Variants in PCBD1 observed in about 807,000 individuals in gnomAD.
The protein encoded by PCBD1 is pterin-4 alpha-carbinolamine dehydratase 1.
A neutral mutation model predicts 12.6 loss-of-function variants in PCBD1; 16 were observed. The observed-to-expected ratio is 1.27, with a 90% confidence interval of 0.86 to 1.93. The LOEUF is 1.93. Among genes scored for constraint, PCBD1 ranks in the 30% most tolerant of loss-of-function variants. The pLI is 0.00. For synonymous variants in PCBD1, 53 were observed against 50.2 expected, an observed-to-expected ratio of 1.05 and a Z score of -0.23; for missense variants, 86 against 130.1, an observed-to-expected ratio of 0.66 and a Z score of 1.65.
chr10:70,885,906 G>A lies in PCBD1; in HGVS notation c.27C>T (p.Ser9=), dbSNP rs547375927. Residue 9 remains serine, a synonymous_variant, in exon 2 of 4, where the codon AGC becomes AGT. Coordinates refer to ENST00000299299, the MANE Select transcript of PCBD1 (RefSeq NM_000281.4). MAGKAHRL[S]AEERDQLLPN... is the part of the protein sequence containing the mutation. ...GCAGCAGCTGGTCCCTCTCCTCAGC[G>A]CTCAGCCTGTGTGCTTTGCCAGCCT... The A allele has an allele frequency of 4.0e-5, 65 of 1,613,860 alleles. No homozygotes were observed. Among genetic ancestry groups the A allele is most frequent in the East Asian group, 2.9e-4 (13 of 44,874 alleles).
Position 70,883,816 on chromosome 10 carries a change from G to T in PCBD1, c.*134C>A. The T allele has an allele frequency of 1.3e-6, 2 of 1,529,836 alleles. No individual in the cohort carries two copies. The highest frequency in any genetic ancestry group is 1.4e-5 in the African/African-American group (1 of 72,914). The allele number at this position is 1,529,836 out of a possible 1,614,324, so 94.8% of individuals were successfully genotyped here. On this transcript the variant is annotated 3_prime_UTR_variant, in exon 4 of 4. Transcript: ENST00000299299. ...GGACACTGGCACATCCCACAGCAAG[G>T]ACTCAGCCCTCAACGGCGGCGGCTG...
At chr10:70,885,309 C>T (rs767278938) in intron 2 of PCBD1, 77 bp from the exon 3 acceptor site, 101 of 1,080,142 alleles carry the variant, frequency 9.4e-5, no homozygotes, top group Non-Finnish European at 1.3e-4. Flanking sequence ...AAGGCCTAGA[C>T]GCAGGAGGAT....
At chr10:70,887,102 C>T (rs559424038) in intron 1 of PCBD1, among the ~76,000 whole-genome samples, 2 of 152,272 alleles carry the variant, frequency 1.3e-5, no homozygotes, top group South Asian at 2.1e-4. Context: ...TCACCATTTA[C>T]CAGCCAGGTG....
rs1230566486 is a variant in PCBD1, at chr10:70,883,950, C to T, written c.315G>A (p.Ter105=). ...FIEQVAVSMT[*] Reference sequence around the variant, plus strand: ...AGAATTCAAAGAGGAAGGGCAGGGTCTATGTCATGGACACTGCTACTTGTT... The same window carrying T: ...AGAATTCAAAGAGGAAGGGCAGGGTTTATGTCATGGACACTGCTACTTGTT... The change falls in exon 4 of 4, where the codon TAG becomes TAA. Residue 105 remains the stop codon, a stop_retained_variant. Coordinates refer to ENST00000299299, the MANE Select transcript of PCBD1 (RefSeq NM_000281.4). 6.2e-7 allele frequency: 1 copy of T among 1,613,506 alleles called. No individual in the cohort carries two copies. Among genetic ancestry groups the T allele is most frequent in the African/African-American group, 1.3e-5 (1 of 75,018 alleles).
In PCBD1 at chr10:70,885,229, A is replaced by G. The variant is rs773023822; in HGVS notation, c.139T>C (p.Phe47Leu). The G allele has an allele frequency of 6.2e-7, 1 of 1,613,750 alleles. No individual in the cohort carries two copies. Among genetic ancestry groups the G allele is most frequent in the South Asian group, 1.1e-5 (1 of 91,062 alleles). Residue 47 changes from phenylalanine to leucine, a missense_variant, in exon 3 of 4, where the codon TTT becomes CTT. Coordinates refer to ENST00000299299, the MANE Select transcript of PCBD1 (RefSeq NM_000281.4). ...QFHFKDFNRA[F>L]GFMTRVALQA... Reference sequence around the variant, plus strand: ...AGGGCCACTCTTGTCATGAACCCAAAGGCCTATTTAAGTGGAGTGAGAGCC... The same window carrying G: ...AGGGCCACTCTTGTCATGAACCCAAGGGCCTATTTAAGTGGAGTGAGAGCC...
intron 2 of PCBD1, among the ~76,000 whole-genome samples, 176 bp from the exon 3 acceptor site, chr10:70,885,408 C>T (rs1235273211): frequency 6.6e-6 from 1 of 152,216 alleles, no homozygotes; most frequent in Non-Finnish European, 1.5e-5. Context: ...AGAGATTGTC[C>T]TTGCAGTAGG....
chr10:70,884,729 A>G (rs1324557996), intron 3 of PCBD1, among the ~76,000 whole-genome samples: 1 of 151,954 alleles, frequency 6.6e-6, no homozygotes. Flanking sequence ...TGATCTGCCC[A>G]CCTCGGCCTC....
chr10:70,883,873 G>A lies in PCBD1; in HGVS notation c.*77C>T. 6.4e-7 allele frequency: 1 copy of A among 1,558,348 alleles called. No homozygotes were observed. Among genetic ancestry groups the A allele is most frequent in the Non-Finnish European group, 8.7e-7 (1 of 1,150,782 alleles). ...GGGAGGGGAGTGGTGGGAGGGTAAGGGCTCCTCAGCTCCCTCCCTGGACTC... is the reference window on the plus strand; with the variant it reads ...GGGAGGGGAGTGGTGGGAGGGTAAGAGCTCCTCAGCTCCCTCCCTGGACTC... On this transcript the variant is annotated 3_prime_UTR_variant, in exon 4 of 4. Coordinates refer to ENST00000299299, the MANE Select transcript of PCBD1 (RefSeq NM_000281.4).
chr10:70,884,336 A>G (rs904275472), intron 3 of PCBD1, among the ~76,000 whole-genome samples: 3 of 152,146 alleles, frequency 2.0e-5, no homozygotes, highest in African/African-American at 7.2e-5. Flanking sequence ...CAACTCCTAA[A>G]CACTATCCAT....
chr10:70,883,785 T>C lies in PCBD1; in HGVS notation c.*165A>G. 1 of 1,508,262 alleles carries C rather than the reference T, an allele frequency of 6.6e-7. No individual in the cohort carries two copies. Among genetic ancestry groups the C allele is most frequent in the Non-Finnish European group, 8.9e-7 (1 of 1,127,658 alleles). 93.4% of individuals were successfully genotyped at this position (1,508,262 alleles called of 1,614,324 possible). ...GGGAAAAGGTCTAAATTCCTGGTGT[T>C]GGTGGGGACACTGGCACATCCCACA... On this transcript the variant is annotated 3_prime_UTR_variant, in exon 4 of 4. Transcript: ENST00000299299.
chr10:70,883,444 T>C, downstream of PCBD1: 1 of 858,892 alleles, frequency 1.2e-6, no homozygotes, highest in Non-Finnish European at 1.4e-6. Flanking sequence ...GGAAGTGCTT[T>C]CATTTAAATG....
At chr10:70,885,067 T>C in intron 3 of PCBD1, 85 bp downstream of exon 3, 3 of 1,110,094 alleles carry the variant, frequency 2.7e-6, no homozygotes, top group Admixed American at 3.4e-5. Context: ...GGCTCATTGT[T>C]AAGTCCAAAA....
Position 70,885,810 on chromosome 10 carries a change from T to TTGTTGCAG in PCBD1, c.122_123insCTGCAACA (p.Lys41AsnfsTer13). On this transcript the variant is annotated frameshift_variant, in exon 2 of 4. Coordinates refer to ENST00000299299, the MANE Select transcript of PCBD1 (RefSeq NM_000281.4). LOFTEE classifies it high-confidence loss of function. ...CCTGGTGCCATACCCTGTTGAAGTC[T>TTGTTGCAG]TTGAAATGAAACTGCTTGAAGATGG... 6.2e-7 allele frequency: 1 copy of TTGTTGCAG among 1,614,040 alleles called. No homozygotes were observed. The highest frequency in any genetic ancestry group is 1.1e-5 in the South Asian group (1 of 91,002).
chr10:70,885,063 T>C (rs774192088), intron 3 of PCBD1, 89 bp downstream of exon 3: 32 of 1,054,164 alleles, frequency 3.0e-5, no homozygotes, highest in Non-Finnish European at 4.3e-5. Context: ...GGAAGGCTCA[T>C]TGTTAAGTCC....
chr10:70,883,502 G>T (rs1015232330), downstream of PCBD1: 4 of 1,072,294 alleles, frequency 3.7e-6, no homozygotes, highest in African/African-American at 5.0e-5. Flanking sequence ...AGTTTCTAGA[G>T]CCTGAGACCA....
At chr10:70,883,028 C>A (rs1332051854), downstream of PCBD1, among the ~76,000 whole-genome samples, 1 of 152,164 alleles carries the variant, frequency 6.6e-6, no homozygotes, top group East Asian at 1.9e-4. Context: ...GGATGTTCAA[C>A]CTGTAATATG....
intron 1 of PCBD1, chr10:70,888,190 A>G: frequency 4.0e-6 from 1 of 252,486 alleles, no homozygotes. Context: ...TCGGGCCACC[A>G]AGGGGACGAG....
At chr10:70,884,754 A>G (rs913439155) in intron 3 of PCBD1, among the ~76,000 whole-genome samples, 1 of 152,010 alleles carries the variant, frequency 6.6e-6, no homozygotes, top group Non-Finnish European at 1.5e-5. Flanking sequence ...ATATGTGTGT[A>G]TTCTTAGTTC....
chr10:70,888,530 C>T lies in PCBD1; in HGVS notation c.3+1G>A. 7.8e-7 allele frequency: 1 copy of T among 1,275,004 alleles called. No homozygotes were observed. Among genetic ancestry groups the T allele is most frequent in the African/African-American group, 1.5e-5 (1 of 64,784 alleles). The allele number at this position is 1,275,004 out of a possible 1,614,324, so 79.0% of individuals were successfully genotyped here. A position where few individuals can be genotyped will look rare whatever the true frequency, so the allele number is the denominator to read the frequency against. ...TCGCGGCCGCGCACCCCTGGACTCA[C>T]CATGGCGCGGGCGGCAGCAGGTGGC... On this transcript the variant is annotated splice_donor_variant, in intron 1 of 3. Coordinates refer to ENST00000299299, the MANE Select transcript of PCBD1 (RefSeq NM_000281.4). LOFTEE classifies it high-confidence loss of function.
Sources: allele counts gnomAD v4.1 joint callset (sites outside exome capture counted in the v4.1 genomes callset), GRCh38; gene constraint gnomAD v4.1.1; transcripts MANE v1.5; gene names NCBI Gene and HGNC (gene_info 2026-07-23, HGNC 2026-07-21).